The following PLEKHG1 variants were observed in gnomAD, a reference collection of about 807,000 sequenced individuals.
The protein encoded by PLEKHG1 is pleckstrin homology domain-containing family G member 1.
PLEKHG1 carries 44 observed loss-of-function variants against 100.8 expected under a neutral mutation model. That is an observed-to-expected ratio of 0.44 (90% CI 0.34 to 0.56). The LOEUF is 0.56. PLEKHG1 is among the 20% of genes least tolerant of loss of function. The pLI, the probability that PLEKHG1 is intolerant of heterozygous loss-of-function variation, is 0.01. For missense variants in PLEKHG1, 1,545 were observed against 1,720.9 expected (o/e 0.90, Z 1.81); for synonymous variants, 640 against 662.5 (o/e 0.97, Z 0.52).
chr6:150,617,758 AG>A (rs1777132054), intron 1 of PLEKHG1, among the ~76,000 whole-genome samples: 1 of 152,238 alleles, frequency 6.6e-6, no homozygotes, highest in African/African-American at 2.4e-5. Flanking sequence ...TAAAATGCAG[AG>A]GATTTCCTTC....
intron 3 of PLEKHG1, among the ~76,000 whole-genome samples, chr6:150,707,353 A>T (rs1781064307): frequency 6.6e-6 from 1 of 152,106 alleles, no homozygotes; most frequent in Admixed American, 6.6e-5. Flanking sequence ...AATTGTTCTT[A>T]TCAGATCATA....
chr6:150,641,002 A>C (rs1375011373), intron 2 of PLEKHG1, among the ~76,000 whole-genome samples: 1 of 152,078 alleles, frequency 6.6e-6, no homozygotes, highest in Non-Finnish European at 1.5e-5. Flanking sequence ...CATAGTGAAA[A>C]ACTTGTGGCT....
At chr6:150,783,328 A>G (rs562595278) in intron 3 of PLEKHG1, among the ~76,000 whole-genome samples, 1 of 152,176 alleles carries the variant, frequency 6.6e-6, no homozygotes, top group East Asian at 1.9e-4. Context: ...TTAAAACTGC[A>G]AGGGAGGAAA....
At chr6:150,835,763 C>G (rs1040901707) in intron 15 of PLEKHG1, among the ~76,000 whole-genome samples, 3 of 152,146 alleles carry the variant, frequency 2.0e-5, no homozygotes, top group African/African-American at 4.8e-5. Flanking sequence ...AGATGTCACA[C>G]AAGCTATAGA....
chr6:150,699,321 G>A (rs1780673806), intron 3 of PLEKHG1, among the ~76,000 whole-genome samples: 1 of 152,244 alleles, frequency 6.6e-6, no homozygotes, highest in Admixed American at 6.5e-5. Context: ...GCCTGGCAGG[G>A]ATTCAGAAAA....
At chr6:150,691,864 T>G (rs1234141025) in intron 3 of PLEKHG1, among the ~76,000 whole-genome samples, 1 of 152,238 alleles carries the variant, frequency 6.6e-6, no homozygotes, top group East Asian at 1.9e-4. Context: ...TGGGAAAAGT[T>G]TTGGGGAGCC....
chr6:150,839,197 C>T (rs963830411), intron 15 of PLEKHG1, among the ~76,000 whole-genome samples: 1 of 152,170 alleles, frequency 6.6e-6, no homozygotes, highest in Non-Finnish European at 1.5e-5. Flanking sequence ...TCACTGCAGC[C>T]TCCGCCTCCC....
At chr6:150,820,587 G>A (rs1464947018) in intron 12 of PLEKHG1, among the ~76,000 whole-genome samples, 3 of 151,968 alleles carry the variant, frequency 2.0e-5, no homozygotes, top group Non-Finnish European at 1.5e-5. Context: ...AAATAAGGCC[G>A]GGCGCGGTGG....
chr6:150,728,253 T>TA (rs61654244), intron 1 of PLEKHG1, among the ~76,000 whole-genome samples: 26,153 of 152,128 alleles, frequency 0.17, 3,359 homozygotes, highest in African/African-American at 0.36. Context: ...CTAAAATATA[T>TA]ATGAACTACT....
intron 2 of PLEKHG1, among the ~76,000 whole-genome samples, chr6:150,644,975 G>A (rs1778430871): frequency 6.6e-6 from 1 of 151,964 alleles, no homozygotes. Context: ...ACATGTTTTT[G>A]GTGGAACTTA....
At chr6:150,776,919 A>G (rs1170161354) in intron 3 of PLEKHG1, among the ~76,000 whole-genome samples, 2 of 151,192 alleles carry the variant, frequency 1.3e-5, no homozygotes, top group Non-Finnish European at 2.9e-5. Flanking sequence ...CCTGGTGCAC[A>G]TGTGCGGTTT....
At chr6:150,742,441 T>C (rs1013796254) in intron 2 of PLEKHG1, among the ~76,000 whole-genome samples, 3 of 151,924 alleles carry the variant, frequency 2.0e-5, no homozygotes, top group Admixed American at 1.3e-4. Context: ...GGTGTGCACC[T>C]GTAATCCCAG....
intron 3 of PLEKHG1, chr6:150,663,742 C>G (rs561180081): frequency 6.6e-6 from 1 of 151,998 alleles, no homozygotes; most frequent in African/African-American, 2.4e-5. Flanking sequence ...TTAGTAGAGA[C>G]GGGGTTTCAC....
intron 2 of PLEKHG1, among the ~76,000 whole-genome samples, chr6:150,757,747 T>C (rs1458207683): frequency 1.3e-5 from 2 of 152,236 alleles, no homozygotes; most frequent in Non-Finnish European, 2.9e-5. Flanking sequence ...TGTGCAGTTT[T>C]ATTACGTAGG....
chr6:150,833,534 CTT>C lies in PLEKHG1; in HGVS notation c.3094+1335_3094+1336del, dbSNP rs370178869. Among the ~76,000 whole-genome samples, 33 of 152,208 alleles carry C rather than the reference CTT, an allele frequency of 2.2e-4. No individual in the cohort carries two copies. In the East Asian group the frequency reaches 6.0e-3, roughly 28 times the overall value. On this transcript the variant is annotated intron_variant, in intron 15 of 15. Transcript: ENST00000358517. ...TGGGAATGAGATGCTCATGGTTAGA[CTT>C]TTTTTGAAGGCCAAAATTTAACACT...
At chr6:150,660,472 A>G (rs950046454) in intron 3 of PLEKHG1, among the ~76,000 whole-genome samples, 2 of 152,204 alleles carry the variant, frequency 1.3e-5, no homozygotes, top group African/African-American at 2.4e-5. Context: ...CAATCCAGAT[A>G]AATAATTCTT....
At chr6:150,724,239 A>G (rs1781840849) in intron 1 of PLEKHG1, among the ~76,000 whole-genome samples, 1 of 152,394 alleles carries the variant, frequency 6.6e-6, no homozygotes, top group Non-Finnish European at 1.5e-5. Context: ...TGTCTTGAGA[A>G]ATAGACTCCC....
intron 2 of PLEKHG1, among the ~76,000 whole-genome samples, chr6:150,758,813 G>A (rs4394224): frequency 0.37 from 55,589 of 152,038 alleles, 12,495 homozygotes; most frequent in African/African-American, 0.62. Context: ...ATTTCAATAC[G>A]TGAGCATTTT....
At chr6:150,784,315 A>T (rs1194233236) in intron 3 of PLEKHG1, among the ~76,000 whole-genome samples, 1 of 152,264 alleles carries the variant, frequency 6.6e-6, no homozygotes, top group Non-Finnish European at 1.5e-5. Flanking sequence ...TCAGAATGAT[A>T]CTGGAATCTC....
Sources: gnomAD v4.1 joint callset for allele counts (sites outside exome capture counted in the v4.1 genomes callset) on GRCh38, gnomAD v4.1.1 for gene constraint, MANE v1.5 for transcripts, NCBI Gene and HGNC (gene_info 2026-07-23, HGNC 2026-07-21) for gene names.